The following PLET1 variants were observed in gnomAD, a reference collection of about 807,000 sequenced individuals.
PLET1 encodes placenta-expressed transcript 1 protein.
A neutral mutation model predicts 18.5 loss-of-function variants in PLET1; 20 were observed. The observed-to-expected ratio is 1.08, with a 90% CI of 0.76 to 1.57. The LOEUF (loss-of-function observed/expected upper bound fraction) is 1.57. PLET1 is among the 40% of genes most tolerant of loss of function. The probability of loss-of-function intolerance (pLI) is 0.00; values close to 1 mark genes in which losing one functional copy is unlikely to be tolerated. For missense variants in PLET1, 256 were observed against 246.4 expected (o/e 1.04, Z -0.26); for synonymous variants, 93 against 93.8 (o/e 0.99, Z 0.05).
At chr11:112,257,417 T>C (rs923329565) in intron 1 of PLET1, among the ~76,000 whole-genome samples, 1 of 152,152 alleles carries the variant, frequency 6.6e-6, no homozygotes, top group Non-Finnish European at 1.5e-5. Flanking sequence ...TATTGTACTT[T>C]GTGCTTTGTG....
At chr11:112,252,713 G>A (rs892494782) in intron 2 of PLET1, among the ~76,000 whole-genome samples, 7 of 152,102 alleles carry the variant, frequency 4.6e-5, no homozygotes, top group African/African-American at 1.7e-4. Flanking sequence ...TATAATACCT[G>A]TCCTGGTCAC....
chr11:112,259,011 G>T (rs1220598216), intron 1 of PLET1, among the ~76,000 whole-genome samples: 3 of 152,214 alleles, frequency 2.0e-5, no homozygotes, highest in African/African-American at 7.2e-5. Flanking sequence ...AAGAAGAAAG[G>T]TTCTGAAGCT....
rs764416805 is a variant in PLET1, at chr11:112,252,386, G to A, written c.410C>T (p.Ala137Val). 6.4e-6 allele frequency: 10 copies of A among 1,551,344 alleles called. No homozygotes were observed. In the South Asian group the frequency reaches 7.1e-5, roughly 11 times the overall value. ...CTTCAGAGTAGAAAGTATAGGCAGC[G>A]CTCTGATCTGGACAGTGAAAGCTCT... ...EIQAFTVQIR[A>V]LPILSTLKLR... The change falls in exon 3 of 4, where the codon GCG becomes GTG. Residue 137 changes from alanine to valine, a missense_variant. Ala to Val is a moderately conservative substitution (Grantham distance 64, BLOSUM62 0). Transcript: ENST00000338832.
chr11:112,249,322 G>C (rs1258534363), intron 3 of PLET1, among the ~76,000 whole-genome samples: 1 of 152,122 alleles, frequency 6.6e-6, no homozygotes, highest in Admixed American at 6.5e-5. Flanking sequence ...GTCTTTAATA[G>C]ATTAGGTTAA....
intron 3 of PLET1, 138 bp from the exon 4 acceptor site, chr11:112,249,112 C>T (rs1243101655): frequency 1.3e-6 from 1 of 789,540 alleles, no homozygotes; most frequent in East Asian, 2.7e-5. Flanking sequence ...TTCAATCAAC[C>T]CTTCTCCAGT....
intron 3 of PLET1, 22 bp from the exon 4 acceptor site, chr11:112,248,996 C>T (rs773034925): frequency 6.0e-5 from 93 of 1,545,452 alleles, no homozygotes; most frequent in East Asian, 1.2e-4. Context: ...GTTGAGGGTG[C>T]GGTTGGCACT....
At chr11:112,250,322 T>TG (rs1860142522) in intron 3 of PLET1, among the ~76,000 whole-genome samples, 1 of 145,782 alleles carries the variant, frequency 6.9e-6, no homozygotes, top group Admixed American at 7.1e-5. Context: ...AACTACATCT[T>TG]GCAACTAGCA....
At chr11:112,259,681 C>T (rs61900922) in intron 1 of PLET1, among the ~76,000 whole-genome samples, 8 of 152,058 alleles carry the variant, frequency 5.3e-5, no homozygotes, top group Admixed American at 1.3e-4. Flanking sequence ...TTTTCACCCA[C>T]GGACTAAATG....
intron 1 of PLET1, among the ~76,000 whole-genome samples, chr11:112,256,812 A>G (rs1258375041): frequency 6.6e-6 from 1 of 152,252 alleles, no homozygotes; most frequent in Non-Finnish European, 1.5e-5. Context: ...CGTCAGGTGC[A>G]GTAGAAGGTG....
chr11:112,250,621 C>T (rs1034361342), intron 3 of PLET1, among the ~76,000 whole-genome samples: 2 of 152,324 alleles, frequency 1.3e-5, no homozygotes, highest in Admixed American at 1.3e-4. Flanking sequence ...GACAAGGCCC[C>T]TATACAAGAA....
At chr11:112,258,858 A>G (rs188653520) in intron 1 of PLET1, among the ~76,000 whole-genome samples, 1,525 of 152,324 alleles carry the variant, frequency 0.01, 15 homozygotes, top group Non-Finnish European at 0.018. Flanking sequence ...AAGTAAGACA[A>G]AAGATAAGCA....
At chr11:112,251,746 T>C (rs1860157964) in intron 3 of PLET1, among the ~76,000 whole-genome samples, 1 of 151,400 alleles carries the variant, frequency 6.6e-6, no homozygotes, top group African/African-American at 2.4e-5. Flanking sequence ...TAGAGGGAGG[T>C]AAGAGAAAAG....
At chr11:112,258,701 C>T (rs1045184308) in intron 1 of PLET1, among the ~76,000 whole-genome samples, 1 of 152,196 alleles carries the variant, frequency 6.6e-6, no homozygotes, top group Non-Finnish European at 1.5e-5. Flanking sequence ...TGAGGCTCTC[C>T]TCCAGGTTGC....
chr11:112,252,081 C>T lies in PLET1; in HGVS notation c.448+267G>A, dbSNP rs564080300. ...TGAACAGAAACAGCTCCTATGGAAG[C>T]GGCATTTGGAGCCACAGATGACCCT... On this transcript the variant is annotated intron_variant, in intron 3 of 3. Transcript: ENST00000338832. Among the ~76,000 whole-genome samples the T allele has an allele frequency of 3.9e-5, 6 of 152,246 alleles. No individual in the cohort carries two copies. In the South Asian group the frequency reaches 1.2e-3, roughly 32 times the overall value.
intron 2 of PLET1, among the ~76,000 whole-genome samples, chr11:112,252,830 C>T (rs903912308): frequency 1.3e-5 from 2 of 152,214 alleles, no homozygotes; most frequent in Non-Finnish European, 2.9e-5. Context: ...CCTCTGTCCC[C>T]ATGGGAGGAC....
intron 2 of PLET1, 77 bp downstream of exon 2, chr11:112,255,311 C>A: frequency 7.1e-7 from 1 of 1,402,704 alleles, no homozygotes; most frequent in South Asian, 1.2e-5. Context: ...ATTTTAAGTC[C>A]TCCTAGCTTA....
At chr11:112,260,324 AG>A (rs1490931114) in intron 1 of PLET1, 81 bp downstream of exon 1, 1 of 1,271,700 alleles carries the variant, frequency 7.9e-7, no homozygotes, top group Non-Finnish European at 1.1e-6. Flanking sequence ...AATTGAGAGT[AG>A]CGATAGAGGG....
Position 112,260,860 on chromosome 11 carries a change from T to A in PLET1, c.-271A>T, listed in dbSNP as rs1341397932. 1 of 420,658 alleles carries A rather than the reference T, an allele frequency of 2.4e-6. No homozygotes were observed. The highest frequency in any genetic ancestry group is 4.3e-6 in the Non-Finnish European group (1 of 234,582). The allele number at this position is 420,658 out of a possible 1,614,324, so 26.1% of individuals were successfully genotyped here. A position where few individuals can be genotyped will look rare whatever the true frequency, so the allele number is the denominator to read the frequency against. ...TATGGTTTTCTTTTACGCCTGTCAT[T>A]TCAGCATCTGCTGTTTGAAGAAAGC... On this transcript the variant is annotated 5_prime_UTR_variant, in exon 1 of 4. Coordinates refer to ENST00000338832, the MANE Select transcript of PLET1 (RefSeq NM_001145024.1).
chr11:112,251,304 C>G (rs1025528457), intron 3 of PLET1, among the ~76,000 whole-genome samples: 5 of 150,580 alleles, frequency 3.3e-5, no homozygotes, highest in Non-Finnish European at 1.5e-5. Context: ...AAAAATTAGG[C>G]TGGGCGTGGT....
Sources: gnomAD v4.1 joint callset for allele counts (sites outside exome capture counted in the v4.1 genomes callset) on GRCh38, gnomAD v4.1.1 for gene constraint, MANE v1.5 for transcripts, NCBI Gene and HGNC (gene_info 2026-07-23, HGNC 2026-07-21) for gene names.